RABGAP1L: variants seen among roughly 807,000 people sequenced by gnomAD.
The protein encoded by RABGAP1L is RAB GTPase activating protein 1 like.
RABGAP1L carries 63 observed loss-of-function variants against 137.7 expected under a neutral mutation model. That is an observed-to-expected ratio of 0.46 (90% CI 0.37 to 0.56). The LOEUF is 0.56. Among genes scored for constraint, RABGAP1L ranks in the 20% least tolerant of loss-of-function variants. The pLI is 0.00. For synonymous variants in RABGAP1L, 431 were observed against 433.7 expected (o/e 0.99, Z 0.08); for missense variants, 1,095 against 1,244.0 (o/e 0.88, Z 1.80).
chr1:174,750,361 TA>T (rs1311232413), intron 17 of RABGAP1L, among the ~76,000 whole-genome samples: 2 of 9,310 alleles, frequency 2.1e-4, no homozygotes, highest in Non-Finnish European at 3.3e-4. Context: ...TGATCTGAAC[TA>T]TTTTTTTCAG....
At chr1:174,589,599 A>G (rs543906732) in intron 13 of RABGAP1L, among the ~76,000 whole-genome samples, 1 of 152,148 alleles carries the variant, frequency 6.6e-6, no homozygotes, top group Non-Finnish European at 1.5e-5. Context: ...GAGGACTTAG[A>G]TTTAAGCCTT....
chr1:174,231,425 TC>T, intron 4 of RABGAP1L, 70 bp downstream of exon 4: 1 of 1,385,152 alleles, frequency 7.2e-7, no homozygotes, highest in Non-Finnish European at 1.0e-6. Flanking sequence ...TGTTATAGCA[TC>T]ATCAGGTGTA....
At chr1:174,724,300 GGTTAA>G (rs1255499060) in intron 17 of RABGAP1L, among the ~76,000 whole-genome samples, 11 of 152,070 alleles carry the variant, frequency 7.2e-5, no homozygotes, top group East Asian at 1.9e-4. Flanking sequence ...GATTTCTAAA[GGTTAA>G]GTTATTAAAG....
chr1:174,596,237 C>T (rs1179312759), intron 13 of RABGAP1L, among the ~76,000 whole-genome samples: 1 of 147,362 alleles, frequency 6.8e-6, no homozygotes, highest in African/African-American at 2.6e-5. Context: ...CACACACTGG[C>T]CTGCGCCCAC....
intron 19 of RABGAP1L, among the ~76,000 whole-genome samples, chr1:174,904,800 C>T (rs1658761693): frequency 6.6e-6 from 1 of 152,032 alleles, no homozygotes; most frequent in South Asian, 2.1e-4. Flanking sequence ...AGGTGGGTGC[C>T]ACCATGCCCA....
At chr1:174,405,614 T>G (rs1350487533) in intron 13 of RABGAP1L, among the ~76,000 whole-genome samples, 3 of 152,178 alleles carry the variant, frequency 2.0e-5, no homozygotes, top group Non-Finnish European at 4.4e-5. Context: ...GCAAGGAGAA[T>G]AAAGAGTACT....
At chr1:174,619,322 T>C (rs575790334) in intron 13 of RABGAP1L, among the ~76,000 whole-genome samples, 3 of 152,160 alleles carry the variant, frequency 2.0e-5, no homozygotes, top group East Asian at 3.9e-4. Flanking sequence ...AGAGCAACTC[T>C]AAGACACATA....
intron 19 of RABGAP1L, among the ~76,000 whole-genome samples, chr1:174,891,860 A>T (rs116331262): frequency 0.015 from 2,252 of 152,306 alleles, 28 homozygotes; most frequent in Middle Eastern, 0.027. Flanking sequence ...TAATATGTTG[A>T]CTATAGAAAA....
intron 13 of RABGAP1L, among the ~76,000 whole-genome samples, chr1:174,521,450 T>C (rs1663386071): frequency 6.6e-6 from 1 of 152,226 alleles, no homozygotes; most frequent in South Asian, 2.1e-4. Flanking sequence ...GATTTTTTGC[T>C]TCATGAATTT....
At chr1:174,202,160 A>G (rs1668157114) in intron 1 of RABGAP1L, among the ~76,000 whole-genome samples, 1 of 152,056 alleles carries the variant, frequency 6.6e-6, no homozygotes, top group Non-Finnish European at 1.5e-5. Context: ...CTTTGGGTAT[A>G]TACCCAGTAA....
intron 1 of RABGAP1L, among the ~76,000 whole-genome samples, chr1:174,188,419 G>T (rs1205764840): frequency 6.6e-6 from 1 of 152,138 alleles, no homozygotes; most frequent in Non-Finnish European, 1.5e-5. Flanking sequence ...ATAAAGCATG[G>T]TGGTTGTCTT....
intron 19 of RABGAP1L, among the ~76,000 whole-genome samples, chr1:174,834,450 C>T (rs544251601): frequency 6.8e-6 from 1 of 147,502 alleles, no homozygotes; most frequent in South Asian, 2.2e-4. Flanking sequence ...AAAGTAAATT[C>T]TAAACCTGTG....
intron 13 of RABGAP1L, among the ~76,000 whole-genome samples, chr1:174,431,204 TTCTC>T (rs1433753904): frequency 1.3e-5 from 2 of 152,192 alleles, no homozygotes; most frequent in African/African-American, 2.4e-5. Flanking sequence ...GGTTCAACTT[TTCTC>T]TCTCTGTTTT....
intron 19 of RABGAP1L, among the ~76,000 whole-genome samples, chr1:174,924,966 A>T (rs1662465567): frequency 1.3e-5 from 2 of 152,182 alleles, no homozygotes; most frequent in African/African-American, 4.8e-5. Context: ...ATAGGGTAGT[A>T]AGGGTAGATT....
chr1:174,562,191 G>A (rs1057261634), intron 13 of RABGAP1L, among the ~76,000 whole-genome samples: 1 of 152,152 alleles, frequency 6.6e-6, no homozygotes, highest in Non-Finnish European at 1.5e-5. Context: ...AGTGGGCAAA[G>A]CATATGAACA....
rs1471329318 is a variant in RABGAP1L, at chr1:174,632,681, G to A, written c.1711-4694G>A. ...CTGATACCCTTTCTTCCAGTTGATC[G>A]CATCGGCTCCTGAGGCTTCTGCATT... On this transcript the variant is annotated intron_variant, in intron 13 of 25. Transcript: ENST00000681986. Among the ~76,000 whole-genome samples, 14 of 148,600 alleles carry A rather than the reference G, an allele frequency of 9.4e-5. No homozygotes were observed. The South Asian group carries it at 1.7e-3, about 18-fold the overall frequency.
chr1:174,667,535 A>G (rs1039621386), intron 14 of RABGAP1L, among the ~76,000 whole-genome samples: 4 of 152,212 alleles, frequency 2.6e-5, no homozygotes, highest in Non-Finnish European at 5.9e-5. Flanking sequence ...TTAGCATTCC[A>G]TCTGGCACAT....
rs368850674 is a variant in RABGAP1L at position 174,667,228 on chromosome 1, C to T, written c.1825-16294C>T. ...TCCCTTGATCAGATTGTTATTTTTCCTTTTGAGGATAGGATATCCTCCATC... is the reference window on the plus strand; with the variant it reads ...TCCCTTGATCAGATTGTTATTTTTCTTTTTGAGGATAGGATATCCTCCATC... On this transcript the variant is annotated intron_variant, in intron 14 of 25. Transcript: ENST00000681986. Among the ~76,000 whole-genome samples, 15 of 152,116 alleles carry T rather than the reference C, an allele frequency of 9.9e-5. 1 individual carries two copies. Among genetic ancestry groups the T allele is most frequent in the African/African-American group, 3.1e-4 (13 of 41,502 alleles).
chr1:174,696,131 T>C (rs1679239351), intron 15 of RABGAP1L, among the ~76,000 whole-genome samples: 1 of 151,936 alleles, frequency 6.6e-6, no homozygotes, highest in East Asian at 1.9e-4. Flanking sequence ...GGCCCCAGGG[T>C]CTTTCCATTC....
Sources: allele counts gnomAD v4.1 joint callset (sites outside exome capture counted in the v4.1 genomes callset), GRCh38; gene constraint gnomAD v4.1.1; transcripts MANE v1.5; gene names NCBI Gene and HGNC (gene_info 2026-07-23, HGNC 2026-07-21).